The following POLR3E variants were observed in gnomAD, a reference collection of about 807,000 sequenced individuals.
The protein encoded by POLR3E is DNA-directed RNA polymerase III subunit RPC5.
POLR3E carries 41 observed loss-of-function variants against 96.6 expected under a neutral mutation model. That is an observed-to-expected ratio of 0.42 (90% CI 0.33 to 0.55). The LOEUF (loss-of-function observed/expected upper bound fraction) is 0.55, where lower values mean the gene tolerates loss of function less well. Among genes scored for constraint, POLR3E ranks in the 20% least tolerant of loss-of-function variants. POLR3E has a pLI of 0.06. For synonymous variants in POLR3E, 396 were observed against 383.6 expected, an observed-to-expected ratio of 1.03 and a Z score of -0.38; for missense variants, 849 against 952.1, an observed-to-expected ratio of 0.89 and a Z score of 1.43.
intron 16 of POLR3E, among the ~76,000 whole-genome samples, chr16:22,324,905 C>T (rs1296266608): frequency 6.6e-6 from 1 of 152,256 alleles, no homozygotes; most frequent in East Asian, 1.9e-4. Flanking sequence ...CCAGTACCTG[C>T]TCATCAGGGT....
rs2048407898 is a variant in POLR3E at position 22,318,655 on chromosome 16, A to C, written c.866-171A>C. The stretch of plus-strand genomic sequence containing the variant: ...TTTCATGAGGTGCCCAGTGCCTGGC[A>C]TGTAGTGAGCAGCCTGAGAGTGTCA... On this transcript the variant is annotated intron_variant, in intron 12 of 20. Coordinates refer to ENST00000299853, the MANE Select transcript of POLR3E (RefSeq NM_018119.4). This position sits in a 1 kb window ranked among gnomAD's most constrained non-coding sequence, Gnocchi z 5.0. Among the ~76,000 whole-genome samples, 1 of 152,138 alleles carries C rather than the reference A, an allele frequency of 6.6e-6. No homozygotes were observed. The highest frequency in any genetic ancestry group is 2.4e-5 in the African/African-American group (1 of 41,424).
intron 2 of POLR3E, 145 bp downstream of exon 2, chr16:22,303,149 G>GTCCCCCAGA: frequency 1.3e-6 from 1 of 790,608 alleles, no homozygotes; most frequent in Non-Finnish European, 2.2e-6. Context: ...CCCCTCTGCT[G>GTCCCCCAGA]TCCCCCAGAC....
At chr16:22,302,668 C>T in intron 1 of POLR3E, 1 of 432,898 alleles carries the variant, frequency 2.3e-6, no homozygotes. Flanking sequence ...AGTCATTTGC[C>T]TTTCCCCGCA....
Position 22,333,665 on chromosome 16 carries a change from G to GGCA in POLR3E, c.2093_2095dup (p.Gly698_Met699insSer). 6.2e-7 allele frequency: 1 copy of GGCA among 1,611,958 alleles called. No homozygotes were observed. Among genetic ancestry groups the GGCA allele is most frequent in the Non-Finnish European group, 8.5e-7 (1 of 1,178,004 alleles). On this transcript the variant is annotated inframe_insertion, in exon 21 of 21. Transcript: ENST00000299853. Reference sequence around the variant, plus strand: ...ATAGGACTGCTGTGTAAGCTATGGTGGCATGTGGTACCTTAAAGGGACAGT... The same window carrying GGCA: ...ATAGGACTGCTGTGTAAGCTATGGTGGCAGCATGTGGTACCTTAAAGGGACAGT...
rs766738216 is a variant in POLR3E at position 22,325,217 on chromosome 16, C to G, written c.1299C>G (p.Val433=). Reference sequence around the variant, plus strand: ...CTCTTCTTTTCAGACTGGAAAAAGTCTATAATCTTGTAAAGGAAACCATGC... The same window carrying G: ...CTCTTCTTTTCAGACTGGAAAAAGTGTATAATCTTGTAAAGGAAACCATGC... ...WTGIQAKLEK[V]YNLVKETMPK... Residue 433 remains valine, a synonymous_variant, in exon 17 of 21, where the codon GTC becomes GTG. Transcript: ENST00000299853. 7 of 1,613,100 alleles carry G rather than the reference C, an allele frequency of 4.3e-6. No individual in the cohort carries two copies. Among genetic ancestry groups the G allele is most frequent in the African/African-American group, 2.7e-5 (2 of 74,884 alleles).
intron 20 of POLR3E, among the ~76,000 whole-genome samples, chr16:22,333,109 G>A (rs2048777599): frequency 6.7e-6 from 1 of 149,392 alleles, no homozygotes; most frequent in Non-Finnish European, 1.5e-5. Flanking sequence ...TAAGTAGCTG[G>A]GATTACAGGT....
At chr16:22,324,310 C>CAGTCCGTG in intron 14 of POLR3E, 44 bp from the exon 15 acceptor site, 1 of 1,531,884 alleles carries the variant, frequency 6.5e-7, no homozygotes, top group South Asian at 1.1e-5. Flanking sequence ...GTCCTGGGAG[C>CAGTCCGTG]AGTCCGTGGC....
At chr16:22,319,986 T>G (rs978899243) in intron 13 of POLR3E, among the ~76,000 whole-genome samples, 2 of 152,186 alleles carry the variant, frequency 1.3e-5, no homozygotes, top group Non-Finnish European at 2.9e-5. Context: ...TCTGTTTCTA[T>G]TTTTTCCTGC....
chr16:22,332,967 CTTTTTTTT>C (rs1166614906), intron 20 of POLR3E, among the ~76,000 whole-genome samples: 14 of 73,072 alleles, frequency 1.9e-4, no homozygotes, highest in African/African-American at 2.7e-4. Flanking sequence ...CGTAGACCCC[CTTTTTTTT>C]TTTTTTTTTT....
intron 12 of POLR3E, 65 bp downstream of exon 12, chr16:22,317,271 G>A (rs2048376941): frequency 1.7e-6 from 2 of 1,197,712 alleles, no homozygotes; most frequent in Non-Finnish European, 2.5e-6. Context: ...AATGGACTCT[G>A]TGGGACAGTG....
chr16:22,299,050 A>G (rs945853469), intron 1 of POLR3E: 19 of 455,982 alleles, frequency 4.2e-5, no homozygotes, highest in Middle Eastern at 3.2e-4. Flanking sequence ...GTTCCAGATT[A>G]AGATGAGACC....
intron 19 of POLR3E, among the ~76,000 whole-genome samples, chr16:22,330,538 A>G (rs960317645): frequency 5.9e-5 from 9 of 152,152 alleles, no homozygotes; most frequent in African/African-American, 2.2e-4. Flanking sequence ...TTCTGAACAC[A>G]TGTGTACCGA....
Position 22,305,451 on chromosome 16 carries a change from G to A in POLR3E, c.87+245G>A, listed in dbSNP as rs564384563. On this transcript the variant is annotated intron_variant, in intron 3 of 20. Coordinates refer to ENST00000299853, the MANE Select transcript of POLR3E (RefSeq NM_018119.4). ...AAAGCTGGGGCTCTGGGGTCAGACC[G>A]GATTGAGATCCAACTCCATCACACC... The A allele has an allele frequency of 8.8e-6, 6 of 683,594 alleles. No homozygotes were observed. In the African/African-American group the frequency reaches 8.8e-5, roughly 10 times the overall value. 42.3% of individuals were successfully genotyped at this position (683,594 alleles called of 1,614,324 possible).
chr16:22,331,127 T>C (rs865991735), intron 19 of POLR3E, among the ~76,000 whole-genome samples: 3 of 150,110 alleles, frequency 2.0e-5, no homozygotes, highest in South Asian at 2.1e-4. Flanking sequence ...TATAGGCGTG[T>C]GCCACCACGC....
intron 3 of POLR3E, among the ~76,000 whole-genome samples, chr16:22,307,818 C>A (rs973233254): frequency 6.6e-6 from 1 of 152,206 alleles, no homozygotes; most frequent in Non-Finnish European, 1.5e-5. Flanking sequence ...CCTGGACCCC[C>A]ATCCTCACCT....
intron 9 of POLR3E, 24 bp downstream of exon 9, chr16:22,315,232 T>TG: frequency 6.4e-7 from 1 of 1,565,654 alleles, no homozygotes; most frequent in African/African-American, 1.4e-5. Flanking sequence ...CGTGGGGTCC[T>TG]GGGGGAAACA....
At chr16:22,316,798 GC>G in intron 10 of POLR3E, 112 bp downstream of exon 10, 1 of 1,025,532 alleles carries the variant, frequency 9.8e-7, no homozygotes, top group Non-Finnish European at 1.5e-6. Flanking sequence ...TGAGGGTGGA[GC>G]CCATTGTCCC....
At chr16:22,328,369 C>T (rs1354408458) in intron 18 of POLR3E, 141 bp from the exon 19 acceptor site, 5 of 709,564 alleles carry the variant, frequency 7.0e-6, no homozygotes, top group Admixed American at 2.1e-5. Flanking sequence ...GCCCAAGGCC[C>T]TCAGAGATGG....
intron 1 of POLR3E, among the ~76,000 whole-genome samples, chr16:22,298,419 T>TTA (rs1295603291): frequency 6.6e-6 from 1 of 152,200 alleles, no homozygotes; most frequent in African/African-American, 2.4e-5. Context: ...GAGGTTACGT[T>TTA]TATTAGCGTC....
Sources: gnomAD v4.1 joint callset for allele counts (sites outside exome capture counted in the v4.1 genomes callset) on GRCh38, gnomAD v4.1.1 for gene constraint, Gnocchi (gnomAD v3.1) non-coding constraint, MANE v1.5 for transcripts, NCBI Gene and HGNC (gene_info 2026-07-23, HGNC 2026-07-21) for gene names.